Variants in VSNL1 observed in about 807,000 individuals in gnomAD.
The protein encoded by VSNL1 is visinin like 1.
Under a neutral mutation model 20.4 loss-of-function variants are expected in VSNL1, and 6 were observed. The observed-to-expected ratio is 0.29, with a 90% confidence interval of 0.16 to 0.58. VSNL1 has a LOEUF of 0.58. Among genes scored for constraint, VSNL1 ranks in the 20% least tolerant of loss-of-function variants. The pLI, the probability that VSNL1 is intolerant of heterozygous loss-of-function variation, is 0.90. For missense variants in VSNL1, 100 were observed against 234.5 expected (o/e 0.43, Z 3.75); for synonymous variants, 93 against 86.4 (o/e 1.08, Z -0.42).
At chr2:17,639,349 C>T (rs1335190824) in intron 2 of VSNL1, among the ~76,000 whole-genome samples, 5 of 152,146 alleles carry the variant, frequency 3.3e-5, no homozygotes, top group East Asian at 1.9e-4. Flanking sequence ...TTGTCTCAGC[C>T]GCCTTGGCTG....
At chr2:17,627,418 T>C (rs1189207193) in intron 2 of VSNL1, among the ~76,000 whole-genome samples, 1 of 152,222 alleles carries the variant, frequency 6.6e-6, no homozygotes, top group African/African-American at 2.4e-5. Flanking sequence ...ACACGGGAAT[T>C]GCAATAGCAA....
At chr2:17,572,067 C>T (rs1664097476) in intron 1 of VSNL1, among the ~76,000 whole-genome samples, 1 of 152,174 alleles carries the variant, frequency 6.6e-6, no homozygotes, top group African/African-American at 2.4e-5. Context: ...AAAGAACGTG[C>T]ACCCTGATTT....
intron 3 of VSNL1, among the ~76,000 whole-genome samples, chr2:17,650,299 C>T (rs969475288): frequency 2.0e-5 from 3 of 152,192 alleles, no homozygotes; most frequent in Non-Finnish European, 4.4e-5. Context: ...GCCCACTCCA[C>T]CCTCACACCA....
rs181702781 is a variant in VSNL1, at chr2:17,582,456, T to G, written c.-5-9614T>G. 3.1e-3 allele frequency among the ~76,000 whole-genome samples: 474 copies of G among 152,196 alleles called. 1 individual carries two copies. Among genetic ancestry groups the G allele is most frequent in the Non-Finnish European group, 4.0e-3 (275 of 67,990 alleles). On this transcript the variant is annotated intron_variant, in intron 1 of 3. Transcript: ENST00000295156. ...TAAGACTTTAGATGGAGAAGCAAGT[T>G]AGGAAGCTATTGTACTACTCAAAGT...
intron 2 of VSNL1, among the ~76,000 whole-genome samples, chr2:17,628,959 T>A (rs1665572993): frequency 6.6e-6 from 1 of 152,268 alleles, no homozygotes. Context: ...TAGGTCTCTC[T>A]GTGCTTCAAA....
rs181173066 is a variant in VSNL1, at chr2:17,543,332, T to C, written c.-6+2414T>C. ...ACTGCCCAGGGCCCATTTCCATCTT[T>C]CCCTGCTGTGTTCCCCAAAATCCTT... On this transcript the variant is annotated intron_variant, in intron 1 of 3. Transcript: ENST00000295156. Among the ~76,000 whole-genome samples, 246 of 152,302 alleles carry C rather than the reference T, an allele frequency of 1.6e-3. 1 individual carries two copies. Among genetic ancestry groups the C allele is most frequent in the African/African-American group, 5.7e-3 (237 of 41,554 alleles).
intron 1 of VSNL1, among the ~76,000 whole-genome samples, chr2:17,577,830 A>G (rs1664253680): frequency 6.6e-6 from 1 of 152,138 alleles, no homozygotes; most frequent in Non-Finnish European, 1.5e-5. Context: ...TGTCACAGAA[A>G]AGTACTTTTT....
chr2:17,543,642 T>A (rs1471371552), intron 1 of VSNL1, among the ~76,000 whole-genome samples: 1 of 152,238 alleles, frequency 6.6e-6, no homozygotes, highest in Non-Finnish European at 1.5e-5. Flanking sequence ...TGGTTTAACC[T>A]GAAGTTGTGC....
chr2:17,624,512 T>G (rs62133583), intron 2 of VSNL1, among the ~76,000 whole-genome samples: 8,180 of 152,276 alleles, frequency 0.054, 258 homozygotes, highest in East Asian at 0.092. Context: ...AGGGAGAGCA[T>G]TCTGTATTAT....
chr2:17,655,534 C>T lies in VSNL1; in HGVS notation c.*140C>T. 1.3e-6 allele frequency: 1 copy of T among 791,888 alleles called. No individual in the cohort carries two copies. The highest frequency in any genetic ancestry group is 2.0e-6 in the Non-Finnish European group (1 of 512,590). 49.1% of individuals were successfully genotyped at this position (791,888 alleles called of 1,614,324 possible). On this transcript the variant is annotated 3_prime_UTR_variant, in exon 4 of 4. Coordinates refer to ENST00000295156, the MANE Select transcript of VSNL1 (RefSeq NM_003385.5). The surrounding 1 kb of genome is among the most constrained non-coding windows in gnomAD (Gnocchi z 5.2). ...CTTGGACTACCTATAAATGGACTTGCTTCTTGTGTTTGAAACACTCGTGTG... is the reference window on the plus strand; with the variant it reads ...CTTGGACTACCTATAAATGGACTTGTTTCTTGTGTTTGAAACACTCGTGTG...
At chr2:17,617,359 G>A (rs566787420) in intron 2 of VSNL1, among the ~76,000 whole-genome samples, 17 of 152,142 alleles carry the variant, frequency 1.1e-4, no homozygotes, top group Non-Finnish European at 2.1e-4. Context: ...AGCCAGGCAT[G>A]GTGGCATGTG....
At chr2:17,603,629 G>C (rs1029619163) in intron 2 of VSNL1, among the ~76,000 whole-genome samples, 11 of 152,146 alleles carry the variant, frequency 7.2e-5, no homozygotes, top group Admixed American at 5.2e-4. Context: ...TATGGGTAGA[G>C]CCAGGTCACA....
At chr2:17,587,315 T>G (rs1664497578) in intron 1 of VSNL1, among the ~76,000 whole-genome samples, 1 of 141,818 alleles carries the variant, frequency 7.1e-6, no homozygotes, top group Non-Finnish European at 1.5e-5. Flanking sequence ...AAGACTGGAT[T>G]TAGATACAGT....
chr2:17,592,308 C>G, intron 2 of VSNL1, 72 bp downstream of exon 2: 1 of 1,498,146 alleles, frequency 6.7e-7, no homozygotes, highest in Non-Finnish European at 9.2e-7. Context: ...TGTACCCTCA[C>G]ATGGAATTAT....
intron 1 of VSNL1, among the ~76,000 whole-genome samples, chr2:17,546,428 C>A (rs1663407855): frequency 6.6e-6 from 1 of 151,180 alleles, no homozygotes. Flanking sequence ...TTTGGCAAAT[C>A]ATTAACATGT....
At chr2:17,642,309 C>CTTTTTTTTT (rs577471307) in intron 2 of VSNL1, among the ~76,000 whole-genome samples, 1,020 of 93,168 alleles carry the variant, frequency 0.011, 201 homozygotes, top group Non-Finnish European at 0.02. Context: ...GTGAGCATTC[C>CTTTTTTTTT]TTTTTTTTTT....
rs1376971057 is a variant in VSNL1, at chr2:17,646,587, CACATAT to C, written c.163-2810_163-2805del. On this transcript the variant is annotated intron_variant, in intron 2 of 3. Coordinates refer to ENST00000295156, the MANE Select transcript of VSNL1 (RefSeq NM_003385.5). ...GAGAACACTAATACACATACACACA[CACATAT>C]ACATATACATATGAGTGTGTATATA... Among the ~76,000 whole-genome samples, 5 of 152,348 alleles carry C rather than the reference CACATAT, an allele frequency of 3.3e-5. No homozygotes were observed. In the South Asian group the frequency reaches 8.3e-4, roughly 25 times the overall value.
chr2:17,543,165 G>T (rs987700899), intron 1 of VSNL1, among the ~76,000 whole-genome samples: 1 of 151,482 alleles, frequency 6.6e-6, no homozygotes. Context: ...CTTTTTTATT[G>T]CCCCTCACCT....
intron 2 of VSNL1, among the ~76,000 whole-genome samples, chr2:17,592,619 G>A (rs1204902501): frequency 8.0e-6 from 1 of 125,774 alleles, no homozygotes; most frequent in Non-Finnish European, 1.6e-5. Context: ...GTACACAAGA[G>A]GGCTTTTTCT....
Sources: gnomAD v4.1 joint callset for allele counts (sites outside exome capture counted in the v4.1 genomes callset) on GRCh38, gnomAD v4.1.1 for gene constraint, Gnocchi (gnomAD v3.1) non-coding constraint, MANE v1.5 for transcripts, NCBI Gene and HGNC (gene_info 2026-07-23, HGNC 2026-07-21) for gene names.